The following NOPCHAP1 variants were observed in gnomAD, a reference collection of about 807,000 sequenced individuals.
NOPCHAP1 encodes the protein NOP protein chaperone 1, also known as DNA damage-sensitive RNA 1.
Under a neutral mutation model 14.0 loss-of-function variants are expected in NOPCHAP1, and 13 were observed. The ratio of observed to expected loss-of-function variants is 0.93; its 90% confidence interval spans 0.60 to 1.47. The LOEUF (loss-of-function observed/expected upper bound fraction) is 1.47. Ranked by LOEUF, NOPCHAP1 falls within the 40% of genes most tolerant of loss-of-function variation. The pLI, the probability that NOPCHAP1 is intolerant of heterozygous loss-of-function variation, is 0.00. For missense variants in NOPCHAP1, 230 were observed against 226.9 expected (o/e 1.01, Z -0.09); for synonymous variants, 78 against 78.4 (o/e 1.00, Z 0.03).
At chr12:104,991,896 A>G (rs754365512) in intron 3 of NOPCHAP1, 48 bp downstream of exon 3, 2 of 1,541,520 alleles carry the variant, frequency 1.3e-6, no homozygotes, top group Non-Finnish European at 1.7e-6. Flanking sequence ...TCTGCCTGTC[A>G]CCTAAGAAGA....
In NOPCHAP1 at chr12:105,011,717, T is replaced by A. The variant is rs1873829481; in HGVS notation, c.*17021T>A. The A allele has an allele frequency of 6.6e-6, 1 of 152,222 alleles. No individual in the cohort carries two copies. The highest frequency in any genetic ancestry group is 2.4e-5 in the African/African-American group (1 of 41,454). 9.4% of individuals were successfully genotyped at this position (152,222 alleles called of 1,614,324 possible). ...CAAAATCTCTCAGCATTTGCTTGTC[T>A]GTAAAGGATTTTATTTCTCGTTCGC... On this transcript the variant is annotated 3_prime_UTR_variant, in exon 4 of 4. Coordinates refer to ENST00000552951, the MANE Select transcript of NOPCHAP1 (RefSeq NM_152318.3).
chr12:105,000,641 T>G lies in NOPCHAP1; in HGVS notation c.*5945T>G, dbSNP rs1873590443. 1 of 152,056 alleles carries G rather than the reference T, an allele frequency of 6.6e-6. No individual in the cohort carries two copies. Among genetic ancestry groups the G allele is most frequent in the African/African-American group, 2.4e-5 (1 of 41,418 alleles). 9.4% of individuals were successfully genotyped at this position (152,056 alleles called of 1,614,324 possible). ...CAAAAGTCTTGAGGGTCTGAACTTT[T>G]GCTGCAGTGTGGATGGTAAGAATTT... On this transcript the variant is annotated 3_prime_UTR_variant, in exon 4 of 4. Transcript: ENST00000552951.
rs1489112632 is a variant in NOPCHAP1, at chr12:105,006,552, A to G, written c.*11856A>G. On this transcript the variant is annotated 3_prime_UTR_variant, in exon 4 of 4. Transcript: ENST00000552951. ...TAGAGACAAAGCATTGATGGAACCAATCCAGACAAAGGGGTCTTGTCCAAG... is the reference window on the plus strand; with the variant it reads ...TAGAGACAAAGCATTGATGGAACCAGTCCAGACAAAGGGGTCTTGTCCAAG... 1 of 152,242 alleles carries G rather than the reference A, an allele frequency of 6.6e-6. No homozygotes were observed. Among genetic ancestry groups the G allele is most frequent in the Non-Finnish European group, 1.5e-5 (1 of 68,034 alleles). 9.4% of individuals were successfully genotyped at this position (152,242 alleles called of 1,614,324 possible).
chr12:104,989,412 G>T (rs1204054544), intron 2 of NOPCHAP1, among the ~76,000 whole-genome samples: 1 of 152,136 alleles, frequency 6.6e-6, no homozygotes, highest in East Asian at 1.9e-4. Flanking sequence ...TGACAGTGTG[G>T]TTTTTTGCTT....
rs1279257134 is a variant in NOPCHAP1 at position 104,986,367 on chromosome 12, C to T, written c.15C>T (p.Gly5=). The part of the protein sequence containing the change: MEVH[G]KPKASPSCSS... ...TTGAGGGAAGCATGGAGGTCCATGG[C>T]AAGCCCAAGGCTAGCCCGAGTTGTT... The change falls in exon 1 of 4, where the codon GGC becomes GGT. Residue 5 remains glycine, a synonymous_variant. Coordinates refer to ENST00000552951, the MANE Select transcript of NOPCHAP1 (RefSeq NM_152318.3). 1.2e-6 allele frequency: 2 copies of T among 1,609,812 alleles called. No individual in the cohort carries two copies. Among genetic ancestry groups the T allele is most frequent in the Non-Finnish European group, 1.7e-6 (2 of 1,178,214 alleles).
chr12:105,005,685 G>T lies in NOPCHAP1; in HGVS notation c.*10989G>T, dbSNP rs1231027039. 6.6e-6 allele frequency: 1 copy of T among 152,192 alleles called. No individual in the cohort carries two copies. The highest frequency in any genetic ancestry group is 1.5e-5 in the Non-Finnish European group (1 of 68,040). 9.4% of individuals were successfully genotyped at this position (152,192 alleles called of 1,614,324 possible). A position where few individuals can be genotyped will look rare whatever the true frequency, so the allele number is the denominator to read the frequency against. On this transcript the variant is annotated 3_prime_UTR_variant, in exon 4 of 4. Transcript: ENST00000552951. ...TGTTACTTGGGCGTGGAAAGTTGGG[G>T]TTTTCCTTTTGATTCAGTCTAGGAA...
rs1456330671 is a variant in NOPCHAP1, at chr12:105,017,555, G to A, written c.*22859G>A. 6.8e-6 allele frequency: 1 copy of A among 147,396 alleles called. No homozygotes were observed. Among genetic ancestry groups the A allele is most frequent in the Non-Finnish European group, 1.5e-5 (1 of 66,832 alleles). 9.1% of individuals were successfully genotyped at this position (147,396 alleles called of 1,614,324 possible). ...AAGAGGTTGAGTCTTATTTTCATTTGTATTTCTCTCACTGCCTAGCATAGT... is the reference window on the plus strand; with the variant it reads ...AAGAGGTTGAGTCTTATTTTCATTTATATTTCTCTCACTGCCTAGCATAGT... On this transcript the variant is annotated 3_prime_UTR_variant, in exon 4 of 4. Transcript: ENST00000552951.
chr12:104,992,855 C>G (rs371889813), intron 3 of NOPCHAP1, among the ~76,000 whole-genome samples: 16 of 152,228 alleles, frequency 1.1e-4, no homozygotes, highest in African/African-American at 1.7e-4. Context: ...CCAAAACATC[C>G]CTGCCAAGGT....
Position 104,994,652 on chromosome 12 carries a change from A to G in NOPCHAP1, c.514A>G (p.Lys172Glu). The G allele has an allele frequency of 6.2e-7, 1 of 1,613,800 alleles. No individual in the cohort carries two copies. Among genetic ancestry groups the G allele is most frequent in the Non-Finnish European group, 8.5e-7 (1 of 1,179,944 alleles). The change falls in exon 4 of 4, where the codon AAG becomes GAG. Residue 172 changes from lysine (K) to glutamate (E), a missense_variant. Physicochemically the swap from Lys to Glu is moderately conservative, Grantham distance 56. Transcript: ENST00000552951. Reference sequence around the variant, plus strand: ...TCCCAATTCTGAAGGTGGAAAAGGCAAGATTGAAGTTTTGGACAGTCCAGC... The same window carrying G: ...TCCCAATTCTGAAGGTGGAAAAGGCGAGATTGAAGTTTTGGACAGTCCAGC... ...KLPNSEGGKG[K>E]IEVLDSPASK... is the part of the protein sequence containing the mutation.
In NOPCHAP1 at chr12:105,017,511, A is replaced by G; in HGVS notation, c.*22815A>G. On this transcript the variant is annotated 3_prime_UTR_variant, in exon 4 of 4. Transcript: ENST00000552951. ...GACAGACTGTCTCAAAAAAAAAAAA[A>G]AAAAAAAAAATGTAAGAAAAGAGGT... 1 of 151,720 alleles carries G rather than the reference A, an allele frequency of 6.6e-6. No individual in the cohort carries two copies. 9.4% of individuals were successfully genotyped at this position (151,720 alleles called of 1,614,324 possible). A position where few individuals can be genotyped will look rare whatever the true frequency, so the allele number is the denominator to read the frequency against.
chr12:104,995,061 A>C lies in NOPCHAP1; in HGVS notation c.*365A>C. 4.0e-6 allele frequency: 1 copy of C among 248,634 alleles called. No homozygotes were observed. Among genetic ancestry groups the C allele is most frequent in the Non-Finnish European group, 7.7e-6 (1 of 129,982 alleles). The allele number at this position is 248,634 out of a possible 1,614,324, so 15.4% of individuals were successfully genotyped here. A position where few individuals can be genotyped will look rare whatever the true frequency, so the allele number is the denominator to read the frequency against. On this transcript the variant is annotated 3_prime_UTR_variant, in exon 4 of 4. Transcript: ENST00000552951. ...CCCATAGGTATGGTCTGATCTAAGG[A>C]GATCTAAGGCTGCCTTGTCCGATGG...
chr12:104,998,850 C>T lies in NOPCHAP1; in HGVS notation c.*4154C>T, dbSNP rs2136029039. ...GCTTACATGGGTAGCAGTGGCCACT[C>T]AGGGTAAGGGGGCGGGCTGCTGGTC... On this transcript the variant is annotated 3_prime_UTR_variant, in exon 4 of 4. Coordinates refer to ENST00000552951, the MANE Select transcript of NOPCHAP1 (RefSeq NM_152318.3). 6.6e-6 allele frequency: 1 copy of T among 151,286 alleles called. No individual in the cohort carries two copies. The highest frequency in any genetic ancestry group is 1.9e-4 in the East Asian group (1 of 5,132). The allele number at this position is 151,286 out of a possible 1,614,324, so 9.4% of individuals were successfully genotyped here.
At chr12:104,992,845 C>T (rs1199931663) in intron 3 of NOPCHAP1, among the ~76,000 whole-genome samples, 1 of 152,100 alleles carries the variant, frequency 6.6e-6, no homozygotes, top group Non-Finnish European at 1.5e-5. Flanking sequence ...AGTTTCATCC[C>T]CAAAACATCC....
At chr12:104,987,462 A>G (rs114848204) in intron 1 of NOPCHAP1, among the ~76,000 whole-genome samples, 2,820 of 152,318 alleles carry the variant, frequency 0.019, 36 homozygotes, top group African/African-American at 0.039. Flanking sequence ...GGCCTTAAGT[A>G]GTAGGCATTC....
Position 105,015,404 on chromosome 12 carries a change from C to G in NOPCHAP1, c.*20708C>G, listed in dbSNP as rs565367749. 6 of 152,240 alleles carry G rather than the reference C, an allele frequency of 3.9e-5. No homozygotes were observed. The East Asian group carries it at 1.2e-3, about 29-fold the overall frequency. The allele number at this position is 152,240 out of a possible 1,614,324, so 9.4% of individuals were successfully genotyped here. A position where few individuals can be genotyped will look rare whatever the true frequency, so the allele number is the denominator to read the frequency against. ...ATGAAGGTATACAGGAGACTTTAAG[C>G]TATCATAGACGGTTCCAGGCAGGAG... On this transcript the variant is annotated 3_prime_UTR_variant, in exon 4 of 4. Coordinates refer to ENST00000552951, the MANE Select transcript of NOPCHAP1 (RefSeq NM_152318.3).
At position 105,005,157 on chromosome 12, in the gene NOPCHAP1, A is replaced by G. The variant is rs1353350364; in HGVS notation, c.*10461A>G. 1 of 144,786 alleles carries G rather than the reference A, an allele frequency of 6.9e-6. No homozygotes were observed. Among genetic ancestry groups the G allele is most frequent in the Non-Finnish European group, 1.5e-5 (1 of 67,988 alleles). The allele number at this position is 144,786 out of a possible 1,614,324, so 9.0% of individuals were successfully genotyped here. ...ATTGTAATTTCTGTCTGACTTTCTT[A>G]CTTACTCATTTTGTTACCAGTGGAG... is the stretch of plus-strand genomic sequence containing the variant. On this transcript the variant is annotated 3_prime_UTR_variant, in exon 4 of 4. Coordinates refer to ENST00000552951, the MANE Select transcript of NOPCHAP1 (RefSeq NM_152318.3).
In NOPCHAP1 at chr12:104,997,633, A is replaced by AT. The variant is rs1873524754; in HGVS notation, c.*2943dup. 2 of 151,854 alleles carry AT rather than the reference A, an allele frequency of 1.3e-5. No individual in the cohort carries two copies. Among genetic ancestry groups the AT allele is most frequent in the Admixed American group, 6.6e-5 (1 of 15,240 alleles). The allele number at this position is 151,854 out of a possible 1,614,324, so 9.4% of individuals were successfully genotyped here. ...CCCCTTCTCTCTCACTGCCTTTAGC[A>AT]TTTTTTCTTTCATTTCCACCTTGGA... On this transcript the variant is annotated 3_prime_UTR_variant, in exon 4 of 4. Coordinates refer to ENST00000552951, the MANE Select transcript of NOPCHAP1 (RefSeq NM_152318.3).
At chr12:104,986,569 T>G in intron 1 of NOPCHAP1, 102 bp downstream of exon 1, 2 of 979,306 alleles carry the variant, frequency 2.0e-6, no homozygotes, top group Non-Finnish European at 2.9e-6. Context: ...CCGGGCTCCG[T>G]ACCCTCGAGG....
At chr12:104,991,218 G>A (rs1421337105) in intron 2 of NOPCHAP1, among the ~76,000 whole-genome samples, 1 of 152,160 alleles carries the variant, frequency 6.6e-6, no homozygotes, top group African/African-American at 2.4e-5. Flanking sequence ...TGGGGTGAGG[G>A]GCAAGAGTGA....
Sources: gnomAD v4.1 joint callset for allele counts (sites outside exome capture counted in the v4.1 genomes callset) on GRCh38, gnomAD v4.1.1 for gene constraint, MANE v1.5 for transcripts, NCBI Gene and HGNC (gene_info 2026-07-23, HGNC 2026-07-21) for gene names.